Variants in ANXA13 observed in about 807,000 individuals in gnomAD.
ANXA13 encodes annexin XIII.
ANXA13 carries 36 observed loss-of-function variants against 46.6 expected under a neutral mutation model. The ratio of observed to expected loss-of-function variants is 0.77; its 90% CI spans 0.59 to 1.02. ANXA13 has a LOEUF of 1.02. ANXA13 is among the 50% of genes least tolerant of loss of function. ANXA13 has a pLI of 0.00. For synonymous variants in ANXA13, 163 were observed against 152.9 expected (o/e 1.07, Z -0.49); for missense variants, 417 against 396.5 (o/e 1.05, Z -0.44).
chr8:123,721,434 C>A (rs1813869938), intron 1 of ANXA13, among the ~76,000 whole-genome samples: 1 of 152,078 alleles, frequency 6.6e-6, no homozygotes, highest in Non-Finnish European at 1.5e-5. Context: ...ATAATAGTAC[C>A]CACCTCGTAT....
chr8:123,725,460 T>G (rs1234792911), intron 1 of ANXA13, among the ~76,000 whole-genome samples: 1 of 152,224 alleles, frequency 6.6e-6, no homozygotes, highest in African/African-American at 2.4e-5. Flanking sequence ...ATTTGCACTT[T>G]GAAGCCAGTT....
At chr8:123,722,580 C>T (rs1221734214) in intron 1 of ANXA13, among the ~76,000 whole-genome samples, 1 of 152,166 alleles carries the variant, frequency 6.6e-6, no homozygotes, top group Admixed American at 6.5e-5. Context: ...CAAGGCAAAA[C>T]AGACAGCCAT....
chr8:123,696,309 T>G (rs1174820350), intron 4 of ANXA13, among the ~76,000 whole-genome samples: 1 of 152,162 alleles, frequency 6.6e-6, no homozygotes, highest in African/African-American at 2.4e-5. Context: ...CATACTACAA[T>G]AAGCTACGGT....
chr8:123,686,082 T>C (rs922051278), intron 9 of ANXA13, among the ~76,000 whole-genome samples: 2 of 152,146 alleles, frequency 1.3e-5, no homozygotes, highest in African/African-American at 2.4e-5. Context: ...ATTTCTCCTG[T>C]CTATAATCTA....
intron 9 of ANXA13, 52 bp from the exon 10 acceptor site, chr8:123,684,774 G>T: frequency 7.3e-7 from 1 of 1,363,976 alleles, no homozygotes; most frequent in Non-Finnish European, 1.0e-6. Context: ...TTTGTGGAAT[G>T]ACCTTGGGAC....
intron 1 of ANXA13, among the ~76,000 whole-genome samples, chr8:123,714,741 G>A (rs998842476): frequency 5.3e-5 from 8 of 152,150 alleles, no homozygotes; most frequent in South Asian, 2.1e-4. Flanking sequence ...GCCCCATCTC[G>A]CAGCATCTGT....
chr8:123,735,775 C>T (rs1814249545), intron 1 of ANXA13: 13 of 1,612,034 alleles, frequency 8.1e-6, no homozygotes, highest in East Asian at 4.5e-5. Context: ...GCCTCTGGCT[C>T]TCCATTCCGT....
chr8:123,691,955 G>A (rs1425415745), intron 8 of ANXA13, among the ~76,000 whole-genome samples: 1 of 152,166 alleles, frequency 6.6e-6, no homozygotes, highest in Non-Finnish European at 1.5e-5. Context: ...CAGTCATAGA[G>A]AAGTCCTCCA....
intron 10 of ANXA13, among the ~76,000 whole-genome samples, chr8:123,683,138 C>T (rs1340039962): frequency 6.6e-6 from 1 of 151,606 alleles, no homozygotes; most frequent in Non-Finnish European, 1.5e-5. Flanking sequence ...GGATTTGGAG[C>T]CATGGAGGAG....
chr8:123,737,126 G>A (rs1814287722), intron 1 of ANXA13, among the ~76,000 whole-genome samples, 194 bp downstream of exon 1: 1 of 151,766 alleles, frequency 6.6e-6, no homozygotes, highest in African/African-American at 2.4e-5. Flanking sequence ...CTTGCAAAGT[G>A]CTGGGAGTAC....
intron 9 of ANXA13, among the ~76,000 whole-genome samples, chr8:123,686,234 A>G (rs1173003070): frequency 6.6e-6 from 1 of 152,108 alleles, no homozygotes; most frequent in African/African-American, 2.4e-5. Flanking sequence ...GCGCTTTGGG[A>G]GGCCGAGGTG....
In ANXA13 at chr8:123,708,818, TG is replaced by T. The variant is rs1813597319; in HGVS notation, c.91+3859del. On this transcript the variant is annotated intron_variant, in intron 2 of 10. Coordinates refer to ENST00000419625, the MANE Select transcript of ANXA13 (RefSeq NM_004306.4). Reference sequence around the variant, plus strand: ...GGCAGTGTCTGTTCCTTGCCCCTCCTGGCTTCTGCCGGGAACCCTTAGCATT... The same window carrying T: ...GGCAGTGTCTGTTCCTTGCCCCTCCTGCTTCTGCCGGGAACCCTTAGCATT... Among the ~76,000 whole-genome samples, 5 of 152,284 alleles carry T rather than the reference TG, an allele frequency of 3.3e-5. No homozygotes were observed. The South Asian group carries it at 1.0e-3, about 32-fold the overall frequency.
At chr8:123,684,420 T>C (rs759269500) in intron 10 of ANXA13, among the ~76,000 whole-genome samples, 190 bp downstream of exon 10, 3 of 152,244 alleles carry the variant, frequency 2.0e-5, no homozygotes, top group East Asian at 3.8e-4. Context: ...ACGATCATTA[T>C]TGTATTTTTA....
Position 123,688,900 on chromosome 8 carries a change from C to T in ANXA13, c.689G>A (p.Gly230Asp), listed in dbSNP as rs997919020. ...IEEAIEEETSGDLQKAYLTLV... is the reference protein window; with the variant it reads ...IEEAIEEETSDDLQKAYLTLV... ...AGTTAAATAGGCCTTCTGCAAGTCG[C>T]CTGATGTTTCTTCTTCAATGGCTTC... is the stretch of plus-strand genomic sequence containing the variant. Residue 230 changes from glycine (G) to aspartate (D), a missense_variant, in exon 9 of 11, where the codon GGC becomes GAC. By Grantham distance (94) the Gly-to-Asp change is moderately conservative. Coordinates refer to ENST00000419625, the MANE Select transcript of ANXA13 (RefSeq NM_004306.4). 4 of 1,613,802 alleles carry T rather than the reference C, an allele frequency of 2.5e-6. No homozygotes were observed. The highest frequency in any genetic ancestry group is 3.4e-6 in the Non-Finnish European group (4 of 1,179,884).
At chr8:123,708,639 G>T (rs1475420440) in intron 2 of ANXA13, among the ~76,000 whole-genome samples, 3 of 152,236 alleles carry the variant, frequency 2.0e-5, no homozygotes, top group African/African-American at 7.2e-5. Flanking sequence ...CTTCCCACTT[G>T]TTCACTGTCT....
rs1450407101 is a variant in ANXA13, at chr8:123,702,657, C to T, written c.171G>A (p.Lys57=). Residue 57 remains lysine, a synonymous_variant, in exon 3 of 11, where the codon AAG becomes AAA. Transcript: ENST00000419625. ...DERQQIKQKY[K]ATYGKELEEV... is the part of the protein sequence containing the mutation. The stretch of plus-strand genomic sequence containing the variant: ...CTGGAATCACCTTGCCGTACGTTGC[C>T]TTGTACTTTTGCTTGATTTGTTGCC... 6.2e-7 allele frequency: 1 copy of T among 1,614,058 alleles called. No homozygotes were observed.
At chr8:123,694,513 G>A (rs993562050) in intron 6 of ANXA13, among the ~76,000 whole-genome samples, 1 of 152,216 alleles carries the variant, frequency 6.6e-6, no homozygotes, top group Non-Finnish European at 1.5e-5. Context: ...GAAGGGAGCT[G>A]CTGGCGGTCT....
chr8:123,723,752 T>A (rs910495775), intron 1 of ANXA13, among the ~76,000 whole-genome samples: 2 of 152,206 alleles, frequency 1.3e-5, no homozygotes, highest in African/African-American at 4.8e-5. Context: ...TCAGATCTTT[T>A]AACAGATACA....
intron 2 of ANXA13, among the ~76,000 whole-genome samples, chr8:123,711,253 A>G (rs1362742158): frequency 6.6e-6 from 1 of 152,172 alleles, no homozygotes; most frequent in East Asian, 1.9e-4. Context: ...GGATGCCTTC[A>G]ATTTCTGCCC....
Sources: allele counts gnomAD v4.1 joint callset (sites outside exome capture counted in the v4.1 genomes callset), GRCh38; gene constraint gnomAD v4.1.1; transcripts MANE v1.5; gene names NCBI Gene and HGNC (gene_info 2026-07-23, HGNC 2026-07-21).